TTC23: variants seen among roughly 807,000 people sequenced by gnomAD.
TTC23 encodes tetratricopeptide repeat protein 23.
TTC23 carries 58 observed loss-of-function variants against 55.1 expected under a neutral mutation model. The ratio of observed to expected loss-of-function variants is 1.05; its 90% CI spans 0.85 to 1.31. The LOEUF (loss-of-function observed/expected upper bound fraction) is 1.31, where lower values mean the gene tolerates loss of function less well. TTC23 is among the 50% of genes most tolerant of loss of function. The pLI, the probability that TTC23 is intolerant of heterozygous loss-of-function variation, is 0.00. For missense variants in TTC23, 516 were observed against 534.4 expected (o/e 0.97, Z 0.34); for synonymous variants, 203 against 199.9 (o/e 1.02, Z -0.13).
At chr15:99,191,711 C>T (rs2075265909) in intron 9 of TTC23, among the ~76,000 whole-genome samples, 1 of 152,168 alleles carries the variant, frequency 6.6e-6, no homozygotes, top group Non-Finnish European at 1.5e-5. Flanking sequence ...TCATCAGCAG[C>T]ATGAAAACAG....
rs543450651 is a variant in TTC23, at chr15:99,229,653, C to G, written c.-20-921G>C. On this transcript the variant is annotated intron_variant, in intron 4 of 13. Transcript: ENST00000394132. ...AGAGGGACACCCTCAAGTATAGGGACAGAATACTGATTAGCATGTGTGTAA... is the reference window on the plus strand; with the variant it reads ...AGAGGGACACCCTCAAGTATAGGGAGAGAATACTGATTAGCATGTGTGTAA... Among the ~76,000 whole-genome samples the G allele has an allele frequency of 1.1e-4, 17 of 152,282 alleles. No individual in the cohort carries two copies. The South Asian group carries it at 3.5e-3, about 32-fold the overall frequency.
intron 9 of TTC23, among the ~76,000 whole-genome samples, chr15:99,182,244 TCTCTCACACA>T (rs1310104677): frequency 1.5e-3 from 154 of 102,318 alleles, no homozygotes; most frequent in African/African-American, 4.6e-3. Flanking sequence ...TCTCTCTCTC[TCTCTCACACA>T]CACACACACA....
intron 10 of TTC23, among the ~76,000 whole-genome samples, chr15:99,165,904 A>T (rs1028221181): frequency 6.6e-6 from 1 of 152,198 alleles, no homozygotes; most frequent in Non-Finnish European, 1.5e-5. Flanking sequence ...GATAGTCAGG[A>T]GTGGAGTACT....
chr15:99,221,140 A>G (rs1433828113), intron 6 of TTC23, among the ~76,000 whole-genome samples: 1 of 152,200 alleles, frequency 6.6e-6, no homozygotes, highest in South Asian at 2.1e-4. Flanking sequence ...CTAAAGTTGC[A>G]GGCAGTCTTG....
chr15:99,249,030 T>C lies in TTC23; in HGVS notation c.-431+141A>G, dbSNP rs1049531143. 101 of 152,254 alleles carry C rather than the reference T, an allele frequency of 6.6e-4. 1 individual carries two copies. Among genetic ancestry groups the C allele is most frequent in the African/African-American group, 2.4e-3 (100 of 41,546 alleles). The allele number at this position is 152,254 out of a possible 1,614,324, so 9.4% of individuals were successfully genotyped here. A position where few individuals can be genotyped will look rare whatever the true frequency, so the allele number is the denominator to read the frequency against. ...TTATCTATTATGCCAGGTATGACAA[T>C]ATATAAACAAAAATATCCATATAAA... On this transcript the variant is annotated intron_variant, in intron 1 of 13. Coordinates refer to ENST00000394132, the MANE Select transcript of TTC23 (RefSeq NM_001288615.3).
intron 9 of TTC23, among the ~76,000 whole-genome samples, chr15:99,198,986 C>T (rs901652693): frequency 2.0e-5 from 3 of 152,188 alleles, no homozygotes; most frequent in Non-Finnish European, 4.4e-5. Flanking sequence ...GTTAATTTTA[C>T]ATGTGAACTC....
At chr15:99,163,131 C>T (rs2071608243) in intron 10 of TTC23, among the ~76,000 whole-genome samples, 1 of 152,010 alleles carries the variant, frequency 6.6e-6, no homozygotes, top group Admixed American at 6.6e-5. Context: ...CAACAAAAAA[C>T]AAAACCAGAA....
chr15:99,237,972 T>C (rs1597018421), intron 3 of TTC23, among the ~76,000 whole-genome samples: 2 of 152,184 alleles, frequency 1.3e-5, no homozygotes, highest in African/African-American at 2.4e-5. Context: ...TTTTTTATTA[T>C]TATTATTTTT....
intron 8 of TTC23, among the ~76,000 whole-genome samples, chr15:99,206,153 C>T (rs548467202): frequency 6.6e-6 from 1 of 152,228 alleles, no homozygotes; most frequent in South Asian, 2.1e-4. Context: ...GTTGAACCAT[C>T]CTTGCATCCC....
chr15:99,221,484 A>G (rs1274258969), intron 6 of TTC23, among the ~76,000 whole-genome samples: 1 of 152,220 alleles, frequency 6.6e-6, no homozygotes, highest in African/African-American at 2.4e-5. Flanking sequence ...TTTTCTCCTA[A>G]GAACCTTACT....
chr15:99,177,600 T>C (rs1042764436), intron 9 of TTC23, among the ~76,000 whole-genome samples: 3 of 152,248 alleles, frequency 2.0e-5, no homozygotes, highest in African/African-American at 7.2e-5. Flanking sequence ...CTACTATCTC[T>C]ACGATCTGTT....
chr15:99,187,556 G>C (rs1480507793), intron 9 of TTC23, among the ~76,000 whole-genome samples: 1 of 146,238 alleles, frequency 6.8e-6, no homozygotes, highest in Admixed American at 6.9e-5. Flanking sequence ...AAAGTCAAAA[G>C]ACAACCTACA....
At chr15:99,167,204 GCC>G (rs2072240664) in intron 10 of TTC23, among the ~76,000 whole-genome samples, 1 of 152,182 alleles carries the variant, frequency 6.6e-6, no homozygotes, top group African/African-American at 2.4e-5. Flanking sequence ...GGAAGTCATA[GCC>G]CCTTCAAGTG....
chr15:99,222,788 G>A (rs2078056546), intron 5 of TTC23, among the ~76,000 whole-genome samples: 1 of 152,106 alleles, frequency 6.6e-6, no homozygotes, highest in Non-Finnish European at 1.5e-5. Flanking sequence ...ACAAGGTCAA[G>A]AGATCGAGAC....
At chr15:99,138,235 C>T (rs1191333435) in intron 13 of TTC23, 108 bp from the exon 14 acceptor site, 7 of 1,347,170 alleles carry the variant, frequency 5.2e-6, no homozygotes, top group African/African-American at 1.4e-5. Flanking sequence ...TATGAGAAGA[C>T]TTGGTAGGGG....
chr15:99,229,142 C>CATATATAT (rs74654479), intron 4 of TTC23, among the ~76,000 whole-genome samples: 1 of 145,122 alleles, frequency 6.9e-6, no homozygotes, highest in African/African-American at 2.5e-5. Context: ...TTTGCATGTA[C>CATATATAT]ATATATATAT....
chr15:99,172,363 T>A (rs1482279348), intron 10 of TTC23, among the ~76,000 whole-genome samples: 3 of 152,310 alleles, frequency 2.0e-5, no homozygotes, highest in East Asian at 3.9e-4. Context: ...TGCTGCAGGT[T>A]GGAGCTGAGA....
At chr15:99,140,251 A>G (rs1473318693) in intron 12 of TTC23, 1 of 152,760 alleles carries the variant, frequency 6.5e-6, no homozygotes, top group East Asian at 1.9e-4. Flanking sequence ...CTGGTTTTCC[A>G]AATGGAAGAA....
At chr15:99,243,798 T>C (rs1025312160) in intron 2 of TTC23, among the ~76,000 whole-genome samples, 7 of 151,590 alleles carry the variant, frequency 4.6e-5, no homozygotes, top group Non-Finnish European at 4.4e-5. Context: ...ACACAGAGAG[T>C]AGAATGATGA....
Sources: allele counts gnomAD v4.1 joint callset (sites outside exome capture counted in the v4.1 genomes callset), GRCh38; gene constraint gnomAD v4.1.1; transcripts MANE v1.5; gene names NCBI Gene and HGNC (gene_info 2026-07-23, HGNC 2026-07-21).